The following CDYL2 variants were observed in gnomAD, a reference collection of about 807,000 sequenced individuals.
CDYL2 encodes chromodomain Y-like protein 2.
Under a neutral mutation model 49.4 loss-of-function variants are expected in CDYL2, and 23 were observed. The ratio of observed to expected loss-of-function variants is 0.47; its 90% CI spans 0.34 to 0.66. The LOEUF is 0.66. CDYL2 is among the 30% of genes least tolerant of loss of function. The pLI, the probability that CDYL2 is intolerant of heterozygous loss-of-function variation, is 0.01. For missense variants in CDYL2, 678 were observed against 656.4 expected (o/e 1.03, Z -0.36); for synonymous variants, 360 against 268.8 (o/e 1.34, Z -3.32).
intron 2 of CDYL2, among the ~76,000 whole-genome samples, chr16:80,635,130 T>C (rs1907758695): frequency 6.6e-6 from 1 of 152,206 alleles, no homozygotes; most frequent in African/African-American, 2.4e-5. Context: ...CACAATCAGG[T>C]ATAAGAAGCT....
chr16:80,690,168 G>A (rs888320359), intron 1 of CDYL2, among the ~76,000 whole-genome samples: 13 of 151,738 alleles, frequency 8.6e-5, no homozygotes, highest in African/African-American at 1.5e-4. Flanking sequence ...AAAAGGACTC[G>A]TACTCTGATG....
Position 80,713,535 on chromosome 16 carries a change from T to C in CDYL2, c.25-28406A>G, listed in dbSNP as rs192344367. Among the ~76,000 whole-genome samples the C allele has an allele frequency of 3.9e-5, 6 of 152,264 alleles. No individual in the cohort carries two copies. In the East Asian group the frequency reaches 7.7e-4, roughly 20 times the overall value. ...ACCATTGATGAGCTCTAATCAAAGA[T>C]TCCTCGGTGGGGGATGACCGGCCTC... is the stretch of plus-strand genomic sequence containing the variant. On this transcript the variant is annotated intron_variant, in intron 1 of 6. Transcript: ENST00000570137.
chr16:80,758,718 A>G (rs1039176757), intron 1 of CDYL2, among the ~76,000 whole-genome samples: 1 of 151,506 alleles, frequency 6.6e-6, no homozygotes, highest in African/African-American at 2.4e-5. Flanking sequence ...AATTTTTTGT[A>G]TTTTTAGTAG....
chr16:80,693,543 C>G (rs1417401166), intron 1 of CDYL2, among the ~76,000 whole-genome samples: 1 of 152,142 alleles, frequency 6.6e-6, no homozygotes, highest in Non-Finnish European at 1.5e-5. Flanking sequence ...CTATATTCTT[C>G]AACAAGAAAA....
At chr16:80,778,022 A>C (rs1284221692) in intron 1 of CDYL2, among the ~76,000 whole-genome samples, 9 of 152,066 alleles carry the variant, frequency 5.9e-5, no homozygotes, top group Admixed American at 4.6e-4. Flanking sequence ...TTTTAAAAAA[A>C]TCTGTTACTA....
chr16:80,729,006 T>C (rs939398916), intron 1 of CDYL2, among the ~76,000 whole-genome samples: 1 of 151,290 alleles, frequency 6.6e-6, no homozygotes, highest in African/African-American at 2.4e-5. Flanking sequence ...CATGCCAAAA[T>C]GTAAAGACCA....
At chr16:80,616,433 C>G (rs1194600513) in intron 4 of CDYL2, among the ~76,000 whole-genome samples, 1 of 152,166 alleles carries the variant, frequency 6.6e-6, no homozygotes, top group Non-Finnish European at 1.5e-5. Flanking sequence ...ATCCATTCTC[C>G]TAGGCTACAG....
intron 4 of CDYL2, among the ~76,000 whole-genome samples, chr16:80,613,488 G>A (rs977050453): frequency 1.3e-5 from 2 of 152,274 alleles, no homozygotes; most frequent in East Asian, 3.9e-4. Flanking sequence ...AGGGATGCCA[G>A]ACTCATCAAG....
In CDYL2 at chr16:80,804,222, G is replaced by T. The variant is rs771887915; in HGVS notation, c.-49C>A. ...CCGGTGTGCGCGTCTGCTCGCTCGC[G>T]CCCTCCGTGCGTGTGCGCGCGGGGT... On this transcript the variant is annotated 5_prime_UTR_variant, in exon 1 of 7. Coordinates refer to ENST00000570137, the MANE Select transcript of CDYL2 (RefSeq NM_152342.4). The T allele has an allele frequency of 2.2e-6, 3 of 1,336,062 alleles. No homozygotes were observed. Among genetic ancestry groups the T allele is most frequent in the Non-Finnish European group, 3.0e-6 (3 of 1,015,944 alleles). 82.8% of individuals were successfully genotyped at this position (1,336,062 alleles called of 1,614,324 possible). A position where few individuals can be genotyped will look rare whatever the true frequency, so the allele number is the denominator to read the frequency against.
intron 1 of CDYL2, among the ~76,000 whole-genome samples, chr16:80,793,186 G>C (rs1329613957): frequency 1.8e-4 from 28 of 152,184 alleles, no homozygotes; most frequent in Non-Finnish European, 5.9e-5. Context: ...ACTGAGGCTA[G>C]AGTAGAAAGG....
intron 1 of CDYL2, among the ~76,000 whole-genome samples, chr16:80,745,250 C>G (rs575066735): frequency 6.6e-6 from 1 of 152,312 alleles, no homozygotes; most frequent in South Asian, 2.1e-4. Flanking sequence ...AACTCCAAAT[C>G]CCATGTGCTG....
At chr16:80,770,407 T>A (rs921371877) in intron 1 of CDYL2, among the ~76,000 whole-genome samples, 1 of 152,136 alleles carries the variant, frequency 6.6e-6, no homozygotes, top group African/African-American at 2.4e-5. Context: ...CACACCATGG[T>A]TTTCAAAGAA....
chr16:80,764,764 A>C (rs1399970071), intron 1 of CDYL2, among the ~76,000 whole-genome samples: 1 of 152,128 alleles, frequency 6.6e-6, no homozygotes, highest in Non-Finnish European at 1.5e-5. Flanking sequence ...TGGAATAGAA[A>C]GAATTTAGTT....
At chr16:80,735,298 CAAT>C (rs749592154) in intron 1 of CDYL2, among the ~76,000 whole-genome samples, 27 of 152,160 alleles carry the variant, frequency 1.8e-4, no homozygotes, top group Admixed American at 1.3e-4. Context: ...CTCCATGTTA[CAAT>C]GAGTCTTTAC....
At chr16:80,640,507 G>A (rs1908036525) in intron 2 of CDYL2, among the ~76,000 whole-genome samples, 1 of 152,024 alleles carries the variant, frequency 6.6e-6, no homozygotes, top group African/African-American at 2.4e-5. Flanking sequence ...ATCTGTGGCG[G>A]CTACAGGGAG....
chr16:80,762,746 T>C (rs766641143), intron 1 of CDYL2, among the ~76,000 whole-genome samples: 7 of 152,198 alleles, frequency 4.6e-5, no homozygotes, highest in Non-Finnish European at 1.0e-4. Flanking sequence ...AGTGTCCAGC[T>C]GAGGTGAAGC....
intron 1 of CDYL2, among the ~76,000 whole-genome samples, chr16:80,712,215 A>ATATATATATATATATCTCTC (rs763194077): frequency 3.4e-4 from 43 of 128,356 alleles, no homozygotes; most frequent in Non-Finnish European, 5.4e-4. Context: ...ATATATATAT[A>ATATATATATATATATCTCTC]TCTCCAAACC....
intron 2 of CDYL2, among the ~76,000 whole-genome samples, chr16:80,635,967 G>C (rs1907803763): frequency 6.6e-6 from 1 of 152,152 alleles, no homozygotes; most frequent in Admixed American, 6.5e-5. Flanking sequence ...ATGGGGAAAG[G>C]ATTCCCTATT....
At chr16:80,732,234 T>C (rs927845109) in intron 1 of CDYL2, among the ~76,000 whole-genome samples, 3 of 152,176 alleles carry the variant, frequency 2.0e-5, no homozygotes, top group African/African-American at 4.8e-5. Flanking sequence ...TTAACATCTC[T>C]GAAATCAGGA....
Sources: gnomAD v4.1 joint callset for allele counts (sites outside exome capture counted in the v4.1 genomes callset) on GRCh38, gnomAD v4.1.1 for gene constraint, MANE v1.5 for transcripts, NCBI Gene and HGNC (gene_info 2026-07-23, HGNC 2026-07-21) for gene names.